The following USP24 variants were observed in gnomAD, a reference collection of about 807,000 sequenced individuals.
USP24 encodes ubiquitin specific peptidase 24.
USP24 carries 97 observed loss-of-function variants against 361.6 expected under a neutral mutation model. The ratio of observed to expected loss-of-function variants is 0.27; its 90% CI spans 0.23 to 0.32. The LOEUF (loss-of-function observed/expected upper bound fraction) is 0.32. Ranked by LOEUF, USP24 falls within the 10% of genes least tolerant of loss-of-function variation. The pLI is 1.00. For synonymous variants in USP24, 1,098 were observed against 1,124.6 expected, an observed-to-expected ratio of 0.98 and a Z score of 0.47; for missense variants, 2,353 against 3,165.6, an observed-to-expected ratio of 0.74 and a Z score of 6.16.
chr1:55,180,661 C>T (rs1643939270), intron 1 of USP24, among the ~76,000 whole-genome samples: 2 of 152,222 alleles, frequency 1.3e-5, no homozygotes, highest in South Asian at 4.1e-4. Flanking sequence ...TTAACTCCTA[C>T]ACATCTTTAA....
At chr1:55,125,271 C>A in intron 34 of USP24, 49 bp downstream of exon 34, 1 of 1,560,590 alleles carries the variant, frequency 6.4e-7, no homozygotes, top group South Asian at 1.1e-5. Context: ...CTAAACAGGA[C>A]ATTCTGAATA....
chr1:55,075,596 A>G, intron 62 of USP24, 73 bp from the exon 63 acceptor site: 1 of 1,010,948 alleles, frequency 9.9e-7, no homozygotes, highest in Admixed American at 2.6e-5. Flanking sequence ...TTTCTTTATA[A>G]TTCTACCCAA....
chr1:55,160,713 T>C (rs1570578143), intron 8 of USP24, among the ~76,000 whole-genome samples: 1 of 152,214 alleles, frequency 6.6e-6, no homozygotes, highest in African/African-American at 2.4e-5. Context: ...TGTTTACATA[T>C]ATAAAATCTG....
intron 42 of USP24, among the ~76,000 whole-genome samples, chr1:55,103,022 A>C (rs1246291495): frequency 6.6e-6 from 1 of 152,144 alleles, no homozygotes; most frequent in Non-Finnish European, 1.5e-5. Context: ...CAGGCATCCA[A>C]AGGGTAAGTC....
At chr1:55,103,162 G>C (rs931079566) in intron 42 of USP24, among the ~76,000 whole-genome samples, 1 of 152,172 alleles carries the variant, frequency 6.6e-6, no homozygotes, top group African/African-American at 2.4e-5. Flanking sequence ...GCTATTTCAT[G>C]TCTCCACAGC....
chr1:55,094,917 C>A lies in USP24; in HGVS notation c.6203+338G>T, dbSNP rs556866145. Among the ~76,000 whole-genome samples, 15 of 152,126 alleles carry A rather than the reference C, an allele frequency of 9.9e-5. No individual in the cohort carries two copies. In the East Asian group the frequency reaches 2.9e-3, roughly 30 times the overall value. ...ATTCAAGAGGCTGAGGTGGAAGGATCGCTTCAGCCTGGGAGGTCGAGGCTG... is the reference window on the plus strand; with the variant it reads ...ATTCAAGAGGCTGAGGTGGAAGGATAGCTTCAGCCTGGGAGGTCGAGGCTG... On this transcript the variant is annotated intron_variant, in intron 51 of 67. Coordinates refer to ENST00000294383, the MANE Select transcript of USP24 (RefSeq NM_015306.3).
At chr1:55,135,258 T>A (rs968252943) in intron 28 of USP24, among the ~76,000 whole-genome samples, 6 of 152,168 alleles carry the variant, frequency 3.9e-5, no homozygotes, top group African/African-American at 1.4e-4. Flanking sequence ...CTACTAGGAT[T>A]ACAGGCATGA....
At position 55,157,695 on chromosome 1, in the gene USP24, G is replaced by A. The variant is rs185324751; in HGVS notation, c.1228-325C>T. ...TAAAAATATAAAAGATTAGCTGGGC[G>A]TAGTCGTGGGCGCCTGTAATCCCAG... On this transcript the variant is annotated intron_variant, in intron 10 of 67. Transcript: ENST00000294383. Among the ~76,000 whole-genome samples the A allele has an allele frequency of 7.2e-4, 109 of 152,064 alleles. 1 individual carries two copies. The East Asian group carries it at 0.018, about 25-fold the overall frequency.
intron 1 of USP24, among the ~76,000 whole-genome samples, chr1:55,194,859 CT>C (rs1247411337): frequency 6.6e-6 from 1 of 152,120 alleles, no homozygotes; most frequent in African/African-American, 2.4e-5. Flanking sequence ...TAAATTTCTT[CT>C]GAATAGTCTG....
chr1:55,103,802 A>G, intron 42 of USP24, 74 bp downstream of exon 42: 1 of 1,487,280 alleles, frequency 6.7e-7, no homozygotes, highest in Non-Finnish European at 9.0e-7. Flanking sequence ...GCAGAATGCA[A>G]ATACAGTCTT....
chr1:55,077,098 G>T, intron 62 of USP24, 137 bp downstream of exon 62: 1 of 798,570 alleles, frequency 1.3e-6, no homozygotes, highest in Non-Finnish European at 1.8e-6. Context: ...ACACATGACT[G>T]ACACGAAGAT....
At chr1:55,131,242 CT>C (rs1288233389) in intron 31 of USP24, among the ~76,000 whole-genome samples, 2 of 152,232 alleles carry the variant, frequency 1.3e-5, no homozygotes, top group East Asian at 3.9e-4. Context: ...TTTTTGACAT[CT>C]GTTTATTAAA....
intron 1 of USP24, among the ~76,000 whole-genome samples, chr1:55,199,702 G>T (rs941861179): frequency 6.6e-6 from 1 of 151,894 alleles, no homozygotes; most frequent in Admixed American, 6.6e-5. Context: ...AAGGTGAAGG[G>T]TATACAAGTG....
chr1:55,083,382 G>A lies in USP24; in HGVS notation c.6883-18C>T. ...ATTCCTTGCTGTCACAAGATATTGA[G>A]AATAACAAATTATATTTCTATCCAG... On this transcript the variant is annotated intron_variant, in intron 57 of 67. Transcript: ENST00000294383. The A allele has an allele frequency of 1.2e-6, 2 of 1,611,720 alleles. No homozygotes were observed. Among genetic ancestry groups the A allele is most frequent in the Non-Finnish European group, 1.7e-6 (2 of 1,178,710 alleles).
chr1:55,186,342 C>T (rs1296432995), intron 1 of USP24, among the ~76,000 whole-genome samples: 1 of 152,104 alleles, frequency 6.6e-6, no homozygotes, highest in African/African-American at 2.4e-5. Flanking sequence ...TAAAACTGTG[C>T]ACCTACAATG....
intron 1 of USP24, among the ~76,000 whole-genome samples, chr1:55,187,848 T>TC (rs1242480558): frequency 1.3e-5 from 2 of 152,170 alleles, no homozygotes; most frequent in Non-Finnish European, 1.5e-5. Flanking sequence ...ATAACAATAT[T>TC]CCCCAAATTG....
At chr1:55,093,482 A>G (rs1053577595) in intron 52 of USP24, 1 of 158,686 alleles carries the variant, frequency 6.3e-6, no homozygotes, top group Non-Finnish European at 1.4e-5. Context: ...ACTGCATAAT[A>G]ATCTTTTACA....
chr1:55,160,069 C>T (rs947607494), intron 8 of USP24, among the ~76,000 whole-genome samples: 1 of 152,042 alleles, frequency 6.6e-6, no homozygotes, highest in Non-Finnish European at 1.5e-5. Context: ...GTCATATGAA[C>T]GATTTTTGCT....
intron 24 of USP24, among the ~76,000 whole-genome samples, chr1:55,140,702 T>C (rs946481591): frequency 1.3e-5 from 2 of 152,176 alleles, no homozygotes. Flanking sequence ...AAAGACTCTA[T>C]GAGTACCCAT....
Sources: gnomAD v4.1 joint callset for allele counts (sites outside exome capture counted in the v4.1 genomes callset) on GRCh38, gnomAD v4.1.1 for gene constraint, MANE v1.5 for transcripts, NCBI Gene and HGNC (gene_info 2026-07-23, HGNC 2026-07-21) for gene names.